The following SETDB1 variants were observed in gnomAD, a reference collection of about 807,000 sequenced individuals.
The protein encoded by SETDB1 is SET domain bifurcated histone lysine methyltransferase 1, also known as histone-lysine N-methyltransferase SETDB1.
SETDB1 carries 31 observed loss-of-function variants against 137.4 expected under a neutral mutation model. The ratio of observed to expected loss-of-function variants is 0.23; its 90% CI spans 0.17 to 0.30. SETDB1 has a LOEUF of 0.30. SETDB1 is among the 10% of genes least tolerant of loss of function. The pLI is 1.00. For synonymous variants in SETDB1, 548 were observed against 579.9 expected, an observed-to-expected ratio of 0.95 and a Z score of 0.79; for missense variants, 1,113 against 1,631.5, an observed-to-expected ratio of 0.68 and a Z score of 5.47.
At position 150,943,883 on chromosome 1, in the gene SETDB1, AC is replaced by A. The variant is rs773890639; in HGVS notation, c.876-32del. 340 of 1,270,318 alleles carry A rather than the reference AC, an allele frequency of 2.7e-4. 2 individuals are homozygous for A. In the Admixed American group the frequency reaches 5.8e-3, roughly 21 times the overall value. The allele number at this position is 1,270,318 out of a possible 1,614,324, so 78.7% of individuals were successfully genotyped here. ...TCTGTGGATCATGTTAAATATCATAACCCCCAGATCTTTCTGCTGTCACTCT... is the reference window on the plus strand; with the variant it reads ...TCTGTGGATCATGTTAAATATCATAACCCCAGATCTTTCTGCTGTCACTCT... On this transcript the variant is annotated intron_variant, in intron 7 of 21. Coordinates refer to ENST00000692827, the MANE Select transcript of SETDB1 (RefSeq NM_001366418.1).
intron 3 of SETDB1, among the ~76,000 whole-genome samples, chr1:150,938,080 G>C (rs1183664842): frequency 1.3e-5 from 2 of 152,060 alleles, no homozygotes; most frequent in Non-Finnish European, 2.9e-5. Flanking sequence ...ATTTAGCTGG[G>C]TGTGGTGGCG....
chr1:150,949,375 A>C lies in SETDB1; in HGVS notation c.1433A>C (p.Glu478Ala), dbSNP rs752202486. ...SPQAGDSESL[E>A]SQLAQSRKQV... Reference sequence around the variant, plus strand: ...CTTCTCTAATCTCCTAGAAGCTTGGAAAGCCAGCTTGCCCAGTCACGGAAG... The same window carrying C: ...CTTCTCTAATCTCCTAGAAGCTTGGCAAGCCAGCTTGCCCAGTCACGGAAG... The change falls in exon 12 of 22, where the codon GAA (glutamate) becomes GCA (alanine). Residue 478 changes from glutamate (E) to alanine (A), a missense_variant. Around this residue, in one of 11 missense-constraint regions of SETDB1, gnomAD observed 192 missense variants for 198.1 expected, o/e 0.97. Transcript: ENST00000692827. The C allele has an allele frequency of 6.2e-7, 1 of 1,614,196 alleles. No individual in the cohort carries two copies. The highest frequency in any genetic ancestry group is 1.1e-5 in the South Asian group (1 of 91,090).
chr1:150,942,046 A>G (rs1242773603), intron 5 of SETDB1, among the ~76,000 whole-genome samples: 1 of 151,844 alleles, frequency 6.6e-6, no homozygotes, highest in East Asian at 1.9e-4. Context: ...AGCCCGAGGC[A>G]GGAGAATCGC....
At chr1:150,952,238 T>G (rs946807151) in intron 14 of SETDB1, among the ~76,000 whole-genome samples, 2 of 152,166 alleles carry the variant, frequency 1.3e-5, no homozygotes, top group Non-Finnish European at 2.9e-5. Flanking sequence ...TTTTTCAGAT[T>G]ACTCTGGCTT....
chr1:150,944,581 T>C (rs1027048200), intron 8 of SETDB1, among the ~76,000 whole-genome samples: 5 of 152,232 alleles, frequency 3.3e-5, no homozygotes, highest in Admixed American at 2.6e-4. Context: ...CATTTCATGA[T>C]GCCACCTGAT....
chr1:150,963,320 A>AT (rs1283935608), intron 19 of SETDB1, 181 bp downstream of exon 19: 4 of 728,666 alleles, frequency 5.5e-6, no homozygotes, highest in East Asian at 5.3e-5. Flanking sequence ...TCTCATTTCC[A>AT]TTTTTTTACT....
rs775140859 is a variant in SETDB1, at chr1:150,950,975, A to T, written c.2101A>T (p.Thr701Ser). ...PLSCVNEIDTTPPPQVAYSKE... is the reference protein window; with the variant it reads ...PLSCVNEIDTSPPPQVAYSKE... Reference sequence around the variant, plus strand: ...ATCCTGTGTCAATGAGATTGACACAACCCCTCCACCCCAGGTGGCCTACAG... The same window carrying T: ...ATCCTGTGTCAATGAGATTGACACATCCCCTCCACCCCAGGTGGCCTACAG... The change falls in exon 13 of 22, where the codon ACC becomes TCC. Residue 701 changes from threonine (T) to serine (S), a missense_variant. Physicochemically the swap from Thr to Ser is moderately conservative, Grantham distance 58. This residue lies in a region of SETDB1 where 81 missense variants were observed against 123.4 expected (regional missense o/e 0.66). Transcript: ENST00000692827. 1 of 1,613,896 alleles carries T rather than the reference A, an allele frequency of 6.2e-7. No homozygotes were observed. The highest frequency in any genetic ancestry group is 8.5e-7 in the Non-Finnish European group (1 of 1,179,970).
At position 150,950,866 on chromosome 1, in the gene SETDB1, T is replaced by C; in HGVS notation, c.1992T>C (p.Tyr664=). 1.2e-6 allele frequency: 2 copies of C among 1,614,214 alleles called. No individual in the cohort carries two copies. The highest frequency in any genetic ancestry group is 2.2e-5 in the South Asian group (2 of 91,084). The change falls in exon 13 of 22, where the codon TAT becomes TAC. Residue 664 remains tyrosine, a synonymous_variant. Coordinates refer to ENST00000692827, the MANE Select transcript of SETDB1 (RefSeq NM_001366418.1). Reference sequence around the variant, plus strand: ...TGGAGATGTTCTGTTTGGATCCATATGTTCTTGTGGACCGAAAGTTTCAGC... The same window carrying C: ...TGGAGATGTTCTGTTTGGATCCATACGTTCTTGTGGACCGAAAGTTTCAGC... ...LFLEMFCLDP[Y]VLVDRKFQPY... is the part of the protein sequence containing the mutation.
chr1:150,931,986 G>A (rs956595220), intron 3 of SETDB1, among the ~76,000 whole-genome samples: 1 of 151,510 alleles, frequency 6.6e-6, no homozygotes, highest in Non-Finnish European at 1.5e-5. Context: ...TACAGTAGTT[G>A]TTTTTTTAGA....
At chr1:150,949,335 C>T (rs1342797614) in intron 11 of SETDB1, 32 bp from the exon 12 acceptor site, 1 of 1,613,272 alleles carries the variant, frequency 6.2e-7, no homozygotes, top group Admixed American at 1.7e-5. Flanking sequence ...TTCCACATCC[C>T]TTACTATATG....
rs1262547449 is a variant in SETDB1 at position 150,944,940 on chromosome 1, A to G, written c.972A>G (p.Ile324Met). Residue 324 changes from isoleucine to methionine, a missense_variant, in exon 9 of 22, where the codon ATA becomes ATG. This residue lies in a region of SETDB1 where 154 missense variants were observed against 303.1 expected (regional missense o/e 0.51). Transcript: ENST00000692827. ...CRPLKKTWED[I>M]EDISCRDFIE... is the part of the protein sequence containing the mutation. ...CAGTGAAAAAGACTTGGGAGGACAT[A>G]GAAGACATCTCCTGCCGTGACTTCA... 4.3e-6 allele frequency: 7 copies of G among 1,614,146 alleles called. No homozygotes were observed. The highest frequency in any genetic ancestry group is 2.2e-5 in the South Asian group (2 of 91,088).
rs1669913196 is a variant in SETDB1 at position 150,935,342 on chromosome 1, C to T, written c.413-4598C>T. On this transcript the variant is annotated intron_variant, in intron 3 of 21. Coordinates refer to ENST00000692827, the MANE Select transcript of SETDB1 (RefSeq NM_001366418.1). ...GTATCCAAGTTCTTTCTTAATCCTA[C>T]TTGAGGTCCATTTAACTTCTTGGGT... 2.0e-5 allele frequency among the ~76,000 whole-genome samples: 3 copies of T among 152,074 alleles called. No homozygotes were observed. In the South Asian group the frequency reaches 6.2e-4, roughly 32 times the overall value.
chr1:150,949,973 C>T (rs368023618), intron 12 of SETDB1, among the ~76,000 whole-genome samples: 2 of 152,332 alleles, frequency 1.3e-5, no homozygotes, highest in Admixed American at 6.5e-5. Flanking sequence ...GTGGCTCATG[C>T]CTGTAATCCC....
intron 5 of SETDB1, 69 bp downstream of exon 5, chr1:150,941,497 AT>A: frequency 1.1e-6 from 1 of 915,318 alleles, no homozygotes; most frequent in Non-Finnish European, 1.8e-6. Context: ...CTTAAGTCTT[AT>A]GTCTGCTAAT....
At chr1:150,935,506 C>G (rs1455202990) in intron 3 of SETDB1, among the ~76,000 whole-genome samples, 1 of 151,832 alleles carries the variant, frequency 6.6e-6, no homozygotes, top group Non-Finnish European at 1.5e-5. Context: ...TGACATTCAT[C>G]TTTTCACAAG....
intron 7 of SETDB1, 33 bp from the exon 8 acceptor site, chr1:150,943,887 C>T (rs761251528): frequency 1.5e-6 from 2 of 1,329,608 alleles, no homozygotes; most frequent in South Asian, 2.4e-5. Context: ...ATCATAACCC[C>T]CAGATCTTTC....
chr1:150,958,860 C>A (rs1360235486), intron 14 of SETDB1, among the ~76,000 whole-genome samples: 2 of 152,096 alleles, frequency 1.3e-5, no homozygotes, highest in Non-Finnish European at 2.9e-5. Context: ...GCTCTGTAAT[C>A]TGTATTCCCA....
At chr1:150,945,268 T>A in intron 9 of SETDB1, 160 bp downstream of exon 9, 1 of 1,463,176 alleles carries the variant, frequency 6.8e-7, no homozygotes, top group Middle Eastern at 2.5e-4. Flanking sequence ...GCCCTTTTTG[T>A]TGTTCCTCTG....
chr1:150,959,205 A>G lies in SETDB1; in HGVS notation c.2361A>G (p.Lys787=). The change falls in exon 15 of 22, where the codon AAA becomes AAG. Residue 787 remains lysine (K), a synonymous_variant. Transcript: ENST00000692827. ...TATATGAGTGTAACAAACGCTGCAA[A>G]TGTGACCCAAACATGTGCACAAACC... ...TGVYECNKRC[K]CDPNMCTNRL... 5.0e-6 allele frequency: 8 copies of G among 1,589,744 alleles called. No individual in the cohort carries two copies. Among genetic ancestry groups the G allele is most frequent in the Non-Finnish European group, 6.8e-6 (8 of 1,172,224 alleles).
Sources: gnomAD v4.1 joint callset for allele counts (sites outside exome capture counted in the v4.1 genomes callset) on GRCh38, gnomAD v4.1.1 for gene constraint, gnomAD v4.1.1 regional missense constraint, MANE v1.5 for transcripts, NCBI Gene and HGNC (gene_info 2026-07-23, HGNC 2026-07-21) for gene names.